Variants in SAMD4A observed in about 807,000 individuals in gnomAD.
The protein encoded by SAMD4A is protein Smaug homolog 1.
SAMD4A carries 33 observed loss-of-function variants against 81.3 expected under a neutral mutation model. That is an observed-to-expected ratio of 0.41 (90% CI 0.31 to 0.54). The LOEUF is 0.54. Among genes scored for constraint, SAMD4A ranks in the 20% least tolerant of loss-of-function variants. The probability of loss-of-function intolerance (pLI) is 0.37; values close to 1 mark genes in which losing one functional copy is unlikely to be tolerated. For synonymous variants in SAMD4A, 389 were observed against 382.1 expected, an observed-to-expected ratio of 1.02 and a Z score of -0.21; for missense variants, 854 against 951.1, an observed-to-expected ratio of 0.90 and a Z score of 1.34.
chr14:54,774,835 A>ATT, intron 9 of SAMD4A, 99 bp from the exon 10 acceptor site: 2 of 937,312 alleles, frequency 2.1e-6, no homozygotes, highest in Non-Finnish European at 3.1e-6. Flanking sequence ...AAAAAAAAAA[A>ATT]TGAGGAGACC....
chr14:54,584,228 GA>G (rs1424106523), intron 2 of SAMD4A, among the ~76,000 whole-genome samples: 1 of 152,132 alleles, frequency 6.6e-6, no homozygotes, highest in African/African-American at 2.4e-5. Context: ...TTTACCTTTG[GA>G]ATTATAATTA....
At chr14:54,621,608 C>T (rs1281352737) in intron 2 of SAMD4A, among the ~76,000 whole-genome samples, 6 of 146,230 alleles carry the variant, frequency 4.1e-5, no homozygotes, top group South Asian at 2.2e-4. Flanking sequence ...GCTATCCACC[C>T]GCCTCAGCTT....
rs965862173 is a variant in SAMD4A at position 54,702,739 on chromosome 14, G to A, written c.715+159G>A. ...GAAAGGTCCTTTGGACCCCATATTTGTTGCTCTTTGACTCTGCAAAGATGA... is the reference window on the plus strand; with the variant it reads ...GAAAGGTCCTTTGGACCCCATATTTATTGCTCTTTGACTCTGCAAAGATGA... On this transcript the variant is annotated intron_variant, in intron 3 of 12. Coordinates refer to ENST00000554335, the MANE Select transcript of SAMD4A (RefSeq NM_015589.6). 3 of 824,976 alleles carry A rather than the reference G, an allele frequency of 3.6e-6. No homozygotes were observed. The African/African-American group carries it at 5.1e-5, about 14-fold the overall frequency. The allele number at this position is 824,976 out of a possible 1,614,324, so 51.1% of individuals were successfully genotyped here.
intron 2 of SAMD4A, 105 bp from the exon 3 acceptor site, chr14:54,701,957 A>C: frequency 8.0e-7 from 1 of 1,249,118 alleles, no homozygotes; most frequent in African/African-American, 1.5e-5. Context: ...ATATAGCCAG[A>C]CTATGTAGAT....
chr14:54,589,792 A>C (rs747418780), intron 2 of SAMD4A, among the ~76,000 whole-genome samples: 1 of 152,174 alleles, frequency 6.6e-6, no homozygotes, highest in Non-Finnish European at 1.5e-5. Flanking sequence ...TTTAATTTTC[A>C]TATAAGGCAG....
intron 2 of SAMD4A, among the ~76,000 whole-genome samples, chr14:54,628,063 G>T (rs2034807038): frequency 6.6e-6 from 1 of 152,062 alleles, no homozygotes; most frequent in South Asian, 2.1e-4. Context: ...AGTCTTGGTG[G>T]TCTCGGGCCT....
At chr14:54,712,376 A>G (rs2037011461) in intron 3 of SAMD4A, among the ~76,000 whole-genome samples, 1 of 152,050 alleles carries the variant, frequency 6.6e-6, no homozygotes, top group Non-Finnish European at 1.5e-5. Flanking sequence ...AGAGGTAACT[A>G]ATGAAAGAGT....
chr14:54,756,606 AGAG>A (rs1271378671), intron 6 of SAMD4A, among the ~76,000 whole-genome samples: 1 of 152,206 alleles, frequency 6.6e-6, no homozygotes, highest in Admixed American at 6.5e-5. Flanking sequence ...TGGGTGCATG[AGAG>A]GAGGAAAGAA....
intron 7 of SAMD4A, among the ~76,000 whole-genome samples, chr14:54,761,151 T>C (rs1408560438): frequency 6.6e-6 from 1 of 152,234 alleles, no homozygotes; most frequent in Admixed American, 6.5e-5. Flanking sequence ...TTTTCCTCTA[T>C]AGCAGACACA....
At chr14:54,779,960 T>C (rs1438356945) in intron 11 of SAMD4A, among the ~76,000 whole-genome samples, 1 of 152,132 alleles carries the variant, frequency 6.6e-6, no homozygotes, top group East Asian at 1.9e-4. Context: ...GGTTTGGAAA[T>C]TGCTTGGAGA....
intron 8 of SAMD4A, among the ~76,000 whole-genome samples, chr14:54,768,145 G>A (rs1178803032): frequency 6.6e-6 from 1 of 152,168 alleles, no homozygotes. Context: ...GACCAGCTCA[G>A]TATTATAGTT....
intron 4 of SAMD4A, among the ~76,000 whole-genome samples, chr14:54,740,888 A>G (rs2037828582): frequency 6.6e-6 from 1 of 152,218 alleles, no homozygotes; most frequent in Non-Finnish European, 1.5e-5. Context: ...CAAAGTACAG[A>G]TTAAATGTCT....
intron 2 of SAMD4A, among the ~76,000 whole-genome samples, chr14:54,633,209 C>T (rs773908206): frequency 1.3e-5 from 2 of 151,988 alleles, no homozygotes; most frequent in Non-Finnish European, 2.9e-5. Flanking sequence ...AAGGATGTGA[C>T]GTTGGGATTA....
intron 2 of SAMD4A, among the ~76,000 whole-genome samples, chr14:54,604,075 G>A (rs961040631): frequency 1.3e-5 from 2 of 152,052 alleles, no homozygotes; most frequent in Admixed American, 1.3e-4. Flanking sequence ...CACCCACCTC[G>A]GCCTCCCAAA....
At chr14:54,695,327 A>G (rs1594823265) in intron 2 of SAMD4A, among the ~76,000 whole-genome samples, 1 of 152,346 alleles carries the variant, frequency 6.6e-6, no homozygotes, top group Non-Finnish European at 1.5e-5. Flanking sequence ...CTAGACCTGG[A>G]GGAGCCACTT....
chr14:54,667,519 CCA>C (rs1316806537), intron 2 of SAMD4A, among the ~76,000 whole-genome samples: 1 of 152,098 alleles, frequency 6.6e-6, no homozygotes, highest in Non-Finnish European at 1.5e-5. Context: ...GCCACAGTGT[CCA>C]GTTACCCTGG....
At chr14:54,687,962 A>G (rs1400832727) in intron 2 of SAMD4A, 3 of 986,136 alleles carry the variant, frequency 3.0e-6, no homozygotes, top group Non-Finnish European at 3.6e-6. Flanking sequence ...CATAATACCC[A>G]GCCAGACACT....
chr14:54,742,349 G>A (rs183328291), intron 4 of SAMD4A, among the ~76,000 whole-genome samples: 310 of 152,154 alleles, frequency 2.0e-3, no homozygotes, highest in African/African-American at 5.4e-3. Flanking sequence ...AATGGGGGGG[G>A]CAGCATGGGG....
chr14:54,589,459 C>T (rs1270282116), intron 2 of SAMD4A, among the ~76,000 whole-genome samples: 5 of 151,952 alleles, frequency 3.3e-5, no homozygotes, highest in Non-Finnish European at 5.9e-5. Context: ...TTTATGTTAG[C>T]AATATAAGTA....
Sources: allele counts gnomAD v4.1 joint callset (sites outside exome capture counted in the v4.1 genomes callset), GRCh38; gene constraint gnomAD v4.1.1; transcripts MANE v1.5; gene names NCBI Gene and HGNC (gene_info 2026-07-23, HGNC 2026-07-21).